ADGRA1: variants seen among roughly 807,000 people sequenced by gnomAD.
The protein encoded by ADGRA1 is G-protein coupled receptor 123.
Under a neutral mutation model 21.3 loss-of-function variants are expected in ADGRA1, and 12 were observed. The observed-to-expected ratio is 0.56, with a 90% CI of 0.36 to 0.91. The LOEUF is 0.91. ADGRA1 is among the 40% of genes least tolerant of loss of function. The probability of loss-of-function intolerance (pLI) is 0.01; values close to 1 mark genes in which losing one functional copy is unlikely to be tolerated. For synonymous variants in ADGRA1, 385 were observed against 368.8 expected (o/e 1.04, Z -0.50); for missense variants, 790 against 805.6 (o/e 0.98, Z 0.23).
chr10:133,102,859 G>T lies in ADGRA1; in HGVS notation c.401+17G>T. 6.3e-7 allele frequency: 1 copy of T among 1,596,166 alleles called. No homozygotes were observed. Among genetic ancestry groups the T allele is most frequent in the Non-Finnish European group, 8.6e-7 (1 of 1,166,356 alleles). ...CCTGCTCAGGTACTGAGTGCACATGGGCGCGAGGCCCCGCCACCTGGGCCC... is the reference window on the plus strand; with the variant it reads ...CCTGCTCAGGTACTGAGTGCACATGTGCGCGAGGCCCCGCCACCTGGGCCC... On this transcript the variant is annotated intron_variant, in intron 5 of 6. Coordinates refer to ENST00000392607, the MANE Select transcript of ADGRA1 (RefSeq NM_001083909.3).
At chr10:133,122,622 G>A (rs925015248) in intron 5 of ADGRA1, among the ~76,000 whole-genome samples, 1 of 152,218 alleles carries the variant, frequency 6.6e-6, no homozygotes, top group Non-Finnish European at 1.5e-5. Flanking sequence ...TTAGGAAGAT[G>A]CCAGACACAC....
At chr10:133,123,768 G>A (rs890979344) in intron 5 of ADGRA1, among the ~76,000 whole-genome samples, 10 of 150,968 alleles carry the variant, frequency 6.6e-5, no homozygotes, top group African/African-American at 2.4e-4. Context: ...TCCTGGGCTT[G>A]GGGCCTCCTC....
At position 133,129,605 on chromosome 10, in the gene ADGRA1, C is replaced by A. The variant is rs555967837; in HGVS notation, c.*94C>A. The stretch of plus-strand genomic sequence containing the variant: ...AGGTCACTGGGGGTACCGAAGTGAC[C>A]CCGCCTTTCAGAAGCCGTTCACACC... On this transcript the variant is annotated 3_prime_UTR_variant, in exon 7 of 7. Transcript: ENST00000392607. 22 of 1,133,106 alleles carry A rather than the reference C, an allele frequency of 1.9e-5. No homozygotes were observed. The African/African-American group carries it at 2.6e-4, about 14-fold the overall frequency. 70.2% of individuals were successfully genotyped at this position (1,133,106 alleles called of 1,614,324 possible).
chr10:133,108,969 C>T (rs2748436), intron 5 of ADGRA1, among the ~76,000 whole-genome samples: 138,483 of 140,978 alleles, frequency 0.98, 68,014 homozygotes, highest in East Asian at 1. Flanking sequence ...ATGTCCTCCA[C>T]GGTCCCAGCT....
chr10:133,115,232 C>T (rs969833191), intron 5 of ADGRA1, among the ~76,000 whole-genome samples: 11 of 152,202 alleles, frequency 7.2e-5, no homozygotes, highest in African/African-American at 2.2e-4. Context: ...CCCCTGAGCC[C>T]TCCTCACCCC....
chr10:133,092,081 G>T (rs111245596), intron 2 of ADGRA1, among the ~76,000 whole-genome samples: 2 of 152,214 alleles, frequency 1.3e-5, no homozygotes, highest in Non-Finnish European at 2.9e-5. Context: ...CATGAGGTGG[G>T]TTTATCTCTG....
intron 5 of ADGRA1, among the ~76,000 whole-genome samples, chr10:133,121,678 G>C (rs1852263243): frequency 6.7e-6 from 1 of 149,908 alleles, no homozygotes; most frequent in African/African-American, 2.5e-5. Context: ...GTGTGCATGT[G>C]TGCATGTGAG....
intron 2 of ADGRA1, among the ~76,000 whole-genome samples, chr10:133,093,439 CA>C (rs1851637322): frequency 6.6e-6 from 1 of 152,226 alleles, no homozygotes; most frequent in African/African-American, 2.4e-5. Context: ...AAAGAGGAGA[CA>C]CAAATAAGCC....
At chr10:133,101,005 C>T (rs1363766776) in intron 4 of ADGRA1, among the ~76,000 whole-genome samples, 1 of 152,226 alleles carries the variant, frequency 6.6e-6, no homozygotes, top group East Asian at 1.9e-4. Flanking sequence ...TGTCTGCTCC[C>T]CGTGCTCTGC....
chr10:133,098,830 T>G, intron 4 of ADGRA1, 67 bp downstream of exon 4: 1 of 1,545,048 alleles, frequency 6.5e-7, no homozygotes, highest in South Asian at 1.2e-5. Flanking sequence ...TCTTGTTTAC[T>G]AAATAATATT....
intron 5 of ADGRA1, among the ~76,000 whole-genome samples, chr10:133,122,233 C>G (rs1367326897): frequency 6.6e-6 from 1 of 152,238 alleles, no homozygotes; most frequent in Non-Finnish European, 1.5e-5. Context: ...TTCGCTCAGG[C>G]TGTGATGGTG....
intron 4 of ADGRA1, among the ~76,000 whole-genome samples, chr10:133,101,038 T>C (rs1232379966): frequency 6.6e-6 from 1 of 152,210 alleles, no homozygotes; most frequent in Non-Finnish European, 1.5e-5. Flanking sequence ...AGCCCTCTCA[T>C]TGATCTAACG....
intron 2 of ADGRA1, among the ~76,000 whole-genome samples, chr10:133,096,246 C>T (rs571789843): frequency 1.7e-4 from 26 of 152,218 alleles, no homozygotes; most frequent in Non-Finnish European, 3.7e-4. Context: ...GTGCACCCCT[C>T]TGTGCTTCCC....
chr10:133,100,808 C>T (rs1051497262), intron 4 of ADGRA1, among the ~76,000 whole-genome samples: 10 of 152,350 alleles, frequency 6.6e-5, no homozygotes, highest in East Asian at 3.9e-4. Flanking sequence ...TGTGAAGCCG[C>T]GTTCCAGAAC....
chr10:133,094,171 G>A (rs1019249694), intron 2 of ADGRA1, among the ~76,000 whole-genome samples: 14 of 152,236 alleles, frequency 9.2e-5, no homozygotes, highest in African/African-American at 2.7e-4. Context: ...ACAAGGCGGC[G>A]TGGCCCTCGC....
chr10:133,122,984 C>T (rs543051086), intron 5 of ADGRA1, among the ~76,000 whole-genome samples: 43 of 152,360 alleles, frequency 2.8e-4, no homozygotes, highest in African/African-American at 9.1e-4. Flanking sequence ...CTGTAACCGT[C>T]GGTAGCTGGG....
Position 133,088,007 on chromosome 10 carries a change from CTGT to C in ADGRA1, c.-331_-329del. ...CCGGCCGGCGCCGCAGCCCCGCAATCTGTTGATAACTCGGTCCCAGCTCGGCCG... is the reference window on the plus strand; with the variant it reads ...CCGGCCGGCGCCGCAGCCCCGCAATCTGATAACTCGGTCCCAGCTCGGCCG... On this transcript the variant is annotated 5_prime_UTR_variant, in exon 1 of 7. Transcript: ENST00000392607. 1 of 985,074 alleles carries C rather than the reference CTGT, an allele frequency of 1.0e-6. No individual in the cohort carries two copies. The highest frequency in any genetic ancestry group is 4.7e-5 in the South Asian group (1 of 21,292). 61.0% of individuals were successfully genotyped at this position (985,074 alleles called of 1,614,324 possible). A position where few individuals can be genotyped will look rare whatever the true frequency, so the allele number is the denominator to read the frequency against.
chr10:133,122,086 G>A (rs1184143195), intron 5 of ADGRA1, among the ~76,000 whole-genome samples: 2 of 152,216 alleles, frequency 1.3e-5, no homozygotes, highest in Non-Finnish European at 2.9e-5. Flanking sequence ...AAGCATACGT[G>A]TGTGCACGTG....
At chr10:133,088,964 G>A in intron 2 of ADGRA1, 52 bp downstream of exon 2, 2 of 1,235,986 alleles carry the variant, frequency 1.6e-6, no homozygotes, top group Non-Finnish European at 1.0e-6. Context: ...GCCGCTGCGG[G>A]GGGGCGGCCA....
Sources: allele counts gnomAD v4.1 joint callset (sites outside exome capture counted in the v4.1 genomes callset), GRCh38; gene constraint gnomAD v4.1.1; transcripts MANE v1.5; gene names NCBI Gene and HGNC (gene_info 2026-07-23, HGNC 2026-07-21).